Variants in LRRC7 observed in about 807,000 individuals in gnomAD.
LRRC7 encodes the protein leucine rich repeat containing 7.
LRRC7 carries 23 observed loss-of-function variants against 175.7 expected under a neutral mutation model. The ratio of observed to expected loss-of-function variants is 0.13; its 90% CI spans 0.09 to 0.19. The LOEUF (loss-of-function observed/expected upper bound fraction) is 0.19, where lower values mean the gene tolerates loss of function less well. Among genes scored for constraint, LRRC7 ranks in the 10% least tolerant of loss-of-function variants. The pLI is 1.00. For synonymous variants in LRRC7, 685 were observed against 680.9 expected (o/e 1.01, Z -0.09); for missense variants, 1,354 against 1,904.7 (o/e 0.71, Z 5.38).
rs1274682814 is a variant in LRRC7, at chr1:70,132,588, C to T, written c.*10701C>T. 6.6e-6 allele frequency among the ~76,000 whole-genome samples: 1 copy of T among 151,464 alleles called. No homozygotes were observed. The highest frequency in any genetic ancestry group is 2.4e-5 in the African/African-American group (1 of 41,226). ...CCGAGTTCAAGCGATTCTCCTGCCT[C>T]AGCCTCCCGAGTAGCTGGGATTACA... On this transcript the variant is annotated 3_prime_UTR_variant, in exon 27 of 27. Coordinates refer to ENST00000651989, the MANE Select transcript of LRRC7 (RefSeq NM_001370785.2).
rs530255710 is a variant in LRRC7 at position 70,114,902 on chromosome 1, A to G, written c.4621-6878A>G. Among the ~76,000 whole-genome samples, 7 of 152,328 alleles carry G rather than the reference A, an allele frequency of 4.6e-5. No homozygotes were observed. In the East Asian group the frequency reaches 1.2e-3, roughly 25 times the overall value. On this transcript the variant is annotated intron_variant, in intron 26 of 26. Coordinates refer to ENST00000651989, the MANE Select transcript of LRRC7 (RefSeq NM_001370785.2). ...GTTTTTTAAGGTGACTCTATCCTTC[A>G]TAGTTTAGTTAATAGAAAAGTAACA...
intron 21 of LRRC7, 126 bp downstream of exon 21, chr1:70,039,919 C>A (rs1051276957): frequency 8.0e-7 from 1 of 1,249,834 alleles, no homozygotes; most frequent in Non-Finnish European, 1.1e-6. Flanking sequence ...TTTTATTTAT[C>A]TTTATATTGT....
intron 8 of LRRC7, among the ~76,000 whole-genome samples, chr1:69,944,661 C>A (rs114932397): frequency 0.012 from 1,776 of 152,156 alleles, 16 homozygotes; most frequent in Middle Eastern, 0.02. Context: ...CACATCCTTG[C>A]CAACACTTAT....
intron 7 of LRRC7, among the ~76,000 whole-genome samples, chr1:69,898,871 C>A (rs1646054697): frequency 6.6e-6 from 1 of 152,182 alleles, no homozygotes; most frequent in Non-Finnish European, 1.5e-5. Flanking sequence ...GAAGATACCA[C>A]CAAATATACT....
At chr1:70,096,498 T>C (rs1349552183) in intron 25 of LRRC7, among the ~76,000 whole-genome samples, 4 of 152,092 alleles carry the variant, frequency 2.6e-5, no homozygotes, top group Non-Finnish European at 5.9e-5. Flanking sequence ...ACCTCTCTAG[T>C]GTGGAATTAA....
intron 2 of LRRC7, chr1:69,716,285 C>G (rs1186890079): frequency 2.4e-6 from 1 of 417,610 alleles, no homozygotes; most frequent in Non-Finnish European, 4.4e-6. Context: ...GAATTTTACA[C>G]TATAATTACC....
intron 2 of LRRC7, among the ~76,000 whole-genome samples, chr1:69,704,378 T>G (rs1027359443): frequency 2.0e-5 from 3 of 151,966 alleles, no homozygotes; most frequent in African/African-American, 7.2e-5. Context: ...GTGCTTTAGG[T>G]AGACTGAATC....
At chr1:69,717,944 G>A (rs371988003) in intron 2 of LRRC7, among the ~76,000 whole-genome samples, 1,256 of 55,100 alleles carry the variant, frequency 0.023, 47 homozygotes, top group African/African-American at 0.1. Context: ...AAGAAAGAAA[G>A]AAAGAAAGAA....
intron 8 of LRRC7, among the ~76,000 whole-genome samples, chr1:69,953,398 C>G (rs1412919646): frequency 6.6e-6 from 1 of 152,030 alleles, no homozygotes; most frequent in Non-Finnish European, 1.5e-5. Context: ...CTCCTCTAAA[C>G]TCCTCTACAA....
chr1:69,888,192 C>A (rs983495618), intron 7 of LRRC7, among the ~76,000 whole-genome samples: 10 of 151,842 alleles, frequency 6.6e-5, no homozygotes, highest in East Asian at 3.9e-4. Context: ...CAAGCCTGGG[C>A]AATGGCGGTC....
At chr1:69,795,130 C>T (rs1675573959) in intron 4 of LRRC7, among the ~76,000 whole-genome samples, 1 of 152,134 alleles carries the variant, frequency 6.6e-6, no homozygotes, top group African/African-American at 2.4e-5. Context: ...GCCTGTAATC[C>T]CAGCACTTTG....
chr1:69,969,054 G>A (rs537146351), intron 8 of LRRC7, among the ~76,000 whole-genome samples: 2 of 151,990 alleles, frequency 1.3e-5, no homozygotes, highest in South Asian at 4.2e-4. Context: ...TCCTGACCTC[G>A]TGATCTGCCC....
chr1:69,996,172 T>G (rs1176294136), intron 11 of LRRC7, among the ~76,000 whole-genome samples: 1 of 151,490 alleles, frequency 6.6e-6, no homozygotes, highest in Admixed American at 6.6e-5. Context: ...GAGCATTTTT[T>G]CATGTGTTTT....
intron 12 of LRRC7, 58 bp from the exon 13 acceptor site, chr1:70,012,916 A>G: frequency 1.2e-6 from 1 of 826,134 alleles, no homozygotes; most frequent in Non-Finnish European, 1.8e-6. Flanking sequence ...TAGAAAAATT[A>G]ATATAAAAAT....
intron 7 of LRRC7, among the ~76,000 whole-genome samples, chr1:69,899,738 G>A (rs1272999582): frequency 6.6e-6 from 1 of 152,212 alleles, no homozygotes; most frequent in Non-Finnish European, 1.5e-5. Context: ...TGATTAGGCT[G>A]TAAGGACTGC....
At chr1:69,677,226 A>G (rs894763871) in intron 1 of LRRC7, among the ~76,000 whole-genome samples, 4 of 141,248 alleles carry the variant, frequency 2.8e-5, no homozygotes, top group African/African-American at 1.0e-4. Context: ...ATAATATATA[A>G]CATATATTAT....
rs79151820 is a variant in LRRC7 at position 69,948,007 on chromosome 1, T to C, written c.711+16437T>C. 8.1e-3 allele frequency among the ~76,000 whole-genome samples: 1,230 copies of C among 152,168 alleles called. 13 individuals are homozygous for C. Among genetic ancestry groups the C allele is most frequent in the African/African-American group, 0.027 (1,125 of 41,516 alleles). On this transcript the variant is annotated intron_variant, in intron 8 of 26. Coordinates refer to ENST00000651989, the MANE Select transcript of LRRC7 (RefSeq NM_001370785.2). The stretch of plus-strand genomic sequence containing the variant: ...TCTGTCAACCTGATAACTGAGAAGG[T>C]TACTAGGTGACTAATCAGGTGGGTA...
chr1:69,842,773 G>A (rs986745971), intron 7 of LRRC7, among the ~76,000 whole-genome samples: 2 of 152,116 alleles, frequency 1.3e-5, no homozygotes, highest in Admixed American at 1.3e-4. Context: ...ATGGAATATA[G>A]AAAAGTATTA....
intron 2 of LRRC7, among the ~76,000 whole-genome samples, chr1:69,732,722 A>G (rs185201657): frequency 6.6e-6 from 1 of 152,242 alleles, no homozygotes; most frequent in Non-Finnish European, 1.5e-5. Context: ...TGAAGAGTTC[A>G]TCTGTCTCCT....
Sources: gnomAD v4.1 joint callset for allele counts (sites outside exome capture counted in the v4.1 genomes callset) on GRCh38, gnomAD v4.1.1 for gene constraint, MANE v1.5 for transcripts, NCBI Gene and HGNC (gene_info 2026-07-23, HGNC 2026-07-21) for gene names.